Variants in KDM2B observed in about 807,000 individuals in gnomAD.
KDM2B encodes the protein lysine-specific demethylase 2B.
In KDM2B, 26 loss-of-function variants were observed where a neutral mutation model predicts 150.0. The ratio of observed to expected loss-of-function variants is 0.17; its 90% CI spans 0.13 to 0.24. The LOEUF (loss-of-function observed/expected upper bound fraction) is 0.24, where lower values mean the gene tolerates loss of function less well. KDM2B is among the 10% of genes least tolerant of loss of function. KDM2B has a pLI of 1.00. For synonymous variants in KDM2B, 734 were observed against 729.5 expected (o/e 1.01, Z -0.10); for missense variants, 1,265 against 1,816.9 (o/e 0.70, Z 5.52).
At position 121,549,310 on chromosome 12, in the gene KDM2B, G is replaced by A. The variant is rs1260567346; in HGVS notation, c.576+150C>T. 2.7e-5 allele frequency: 18 copies of A among 675,420 alleles called. No homozygotes were observed. Among genetic ancestry groups the A allele is most frequent in the Admixed American group, 5.9e-5 (2 of 33,618 alleles). 41.8% of individuals were successfully genotyped at this position (675,420 alleles called of 1,614,324 possible). A position where few individuals can be genotyped will look rare whatever the true frequency, so the allele number is the denominator to read the frequency against. On this transcript the variant is annotated intron_variant, in intron 5 of 22. Transcript: ENST00000377071. This position sits in a 1 kb window ranked among gnomAD's most constrained non-coding sequence, Gnocchi z 4.4. Reference sequence around the variant, plus strand: ...CAAGATCCCTGTCTCTACAAACCACGTTACCAACCTTAGTCACCCCTATGC... The same window carrying A: ...CAAGATCCCTGTCTCTACAAACCACATTACCAACCTTAGTCACCCCTATGC...
At chr12:121,428,345 A>G (rs1275292272), downstream of KDM2B, among the ~76,000 whole-genome samples, 1 of 152,058 alleles carries the variant, frequency 6.6e-6, no homozygotes, top group East Asian at 1.9e-4. Context: ...GGCATGCACC[A>G]CCACTCCTGG....
chr12:121,535,439 G>A (rs1888013793), intron 6 of KDM2B, among the ~76,000 whole-genome samples: 1 of 152,146 alleles, frequency 6.6e-6, no homozygotes, highest in Non-Finnish European at 1.5e-5. Flanking sequence ...GACTGCTAAT[G>A]GGTACAGGGT....
intron 12 of KDM2B, among the ~76,000 whole-genome samples, chr12:121,475,737 A>T (rs932653435): frequency 3.4e-5 from 5 of 148,666 alleles, no homozygotes; most frequent in Admixed American, 6.6e-5. Context: ...ATAAAAAAAA[A>T]TTTTTTTTAG....
At chr12:121,555,533 C>T (rs1336154483) in intron 4 of KDM2B, among the ~76,000 whole-genome samples, 4 of 152,156 alleles carry the variant, frequency 2.6e-5, no homozygotes, top group African/African-American at 9.6e-5. Context: ...CCACCATACC[C>T]GGCTAATATT....
chr12:121,557,670 A>G (rs1468444274), intron 4 of KDM2B, among the ~76,000 whole-genome samples: 3 of 152,144 alleles, frequency 2.0e-5, no homozygotes, highest in Non-Finnish European at 2.9e-5. Flanking sequence ...GAAGCCAGAG[A>G]AGGCAAGGAA....
intron 12 of KDM2B, among the ~76,000 whole-genome samples, chr12:121,483,849 G>A (rs530994115): frequency 1.3e-5 from 2 of 152,198 alleles, no homozygotes; most frequent in East Asian, 3.9e-4. Flanking sequence ...TCACACTGAG[G>A]CATAATGGAG....
At chr12:121,579,527 AGGTGGGGGGAG>A in intron 1 of KDM2B, 1 of 852,266 alleles carries the variant, frequency 1.2e-6, no homozygotes, top group Non-Finnish European at 1.7e-6. Flanking sequence ...CAAGAAGAGG[AGGTGGGGGGAG>A]GAGAATCGGG....
chr12:121,487,874 C>G (rs1882943644), intron 12 of KDM2B, among the ~76,000 whole-genome samples: 1 of 151,896 alleles, frequency 6.6e-6, no homozygotes, highest in Middle Eastern at 3.4e-3. Context: ...CTCCGCCTCC[C>G]AGGTTCAAGT....
At chr12:121,516,285 A>G (rs548114327) in intron 9 of KDM2B, 29 of 326,240 alleles carry the variant, frequency 8.9e-5, no homozygotes, top group South Asian at 7.1e-4. Flanking sequence ...ATTAGGGGAA[A>G]AAAATTGAGG....
At position 121,442,144 on chromosome 12, in the gene KDM2B, G is replaced by A. The variant is rs1875221184; in HGVS notation, c.3284+13C>T. ...GAGCCTTAACCTAGAGCCCTACACA[G>A]GCCGCCGCTCACCAGCGGTTCCAGG... is the stretch of plus-strand genomic sequence containing the variant. On this transcript the variant is annotated intron_variant, in intron 19 of 22. Coordinates refer to ENST00000377071, the MANE Select transcript of KDM2B (RefSeq NM_032590.5). The surrounding 1 kb of genome is among the most constrained non-coding windows in gnomAD (Gnocchi z 7.7). The A allele has an allele frequency of 6.2e-7, 1 of 1,612,244 alleles. No individual in the cohort carries two copies. Among genetic ancestry groups the A allele is most frequent in the Non-Finnish European group, 8.5e-7 (1 of 1,179,022 alleles).
the KDM2B span, among the ~76,000 whole-genome samples, chr12:121,421,997 T>A: frequency 6.6e-6 from 1 of 152,230 alleles, no homozygotes; most frequent in African/African-American, 2.4e-5. Context: ...GATGCAGGAA[T>A]CTTCATCCTC....
At chr12:121,480,583 CAAAAAAA>C (rs35490517) in intron 12 of KDM2B, among the ~76,000 whole-genome samples, 14 of 63,252 alleles carry the variant, frequency 2.2e-4, no homozygotes, top group Admixed American at 7.1e-4. Flanking sequence ...CTGTCGCTAC[CAAAAAAA>C]AAAAAAAAAA....
In KDM2B at chr12:121,488,777, A is replaced by G. The variant is rs985844344; in HGVS notation, c.1734+5802T>C. ...GCTGGGATTACAGGTGCCCACCACC[A>G]GGCCTGGCTAATTTTTTTTGGTTTT... On this transcript the variant is annotated intron_variant, in intron 12 of 22. Coordinates refer to ENST00000377071, the MANE Select transcript of KDM2B (RefSeq NM_032590.5). Among the ~76,000 whole-genome samples the G allele has an allele frequency of 2.0e-5, 3 of 151,286 alleles. No homozygotes were observed. The East Asian group carries it at 5.8e-4, about 29-fold the overall frequency.
intron 12 of KDM2B, among the ~76,000 whole-genome samples, chr12:121,486,084 G>T (rs1882722436): frequency 6.8e-6 from 1 of 148,082 alleles, no homozygotes; most frequent in South Asian, 2.1e-4. Flanking sequence ...GCCTGAAATG[G>T]TAACTTTTAT....
chr12:121,529,073 A>G (rs1239939739), intron 8 of KDM2B, among the ~76,000 whole-genome samples: 1 of 152,226 alleles, frequency 6.6e-6, no homozygotes, highest in Non-Finnish European at 1.5e-5. Context: ...ATTAACATAG[A>G]TGCAAAAAAC....
intron 4 of KDM2B, among the ~76,000 whole-genome samples, chr12:121,565,832 G>T (rs1890664408): frequency 6.7e-6 from 1 of 150,336 alleles, no homozygotes; most frequent in Admixed American, 6.6e-5. Flanking sequence ...TCACCATGTT[G>T]GCCAGGCTGG....
chr12:121,519,985 C>T (rs1474437997), intron 9 of KDM2B, among the ~76,000 whole-genome samples: 3 of 152,156 alleles, frequency 2.0e-5, no homozygotes, highest in South Asian at 2.1e-4. Context: ...CTCCGCCTCC[C>T]GGGCTCAAAC....
the KDM2B span, among the ~76,000 whole-genome samples, chr12:121,408,504 G>T: frequency 6.6e-6 from 1 of 152,126 alleles, no homozygotes. Context: ...TTTAAGAGGG[G>T]AAAGATCAGT....
rs1875952428 is a variant in KDM2B, at chr12:121,445,272, C to T, written c.2103+3G>A. 6.2e-7 allele frequency: 1 copy of T among 1,613,386 alleles called. No individual in the cohort carries two copies. Among genetic ancestry groups the T allele is most frequent in the South Asian group, 1.1e-5 (1 of 90,982 alleles). On this transcript the variant is annotated splice_donor_region_variant and intron_variant, in intron 14 of 22. Coordinates refer to ENST00000377071, the MANE Select transcript of KDM2B (RefSeq NM_032590.5). ...CACCACCTGTCCCCACTGGGCCACT[C>T]ACCTTAAGGCATCCAGGGTGGATGA...
Sources: gnomAD v4.1 joint callset for allele counts (sites outside exome capture counted in the v4.1 genomes callset) on GRCh38, gnomAD v4.1.1 for gene constraint, Gnocchi (gnomAD v3.1) non-coding constraint, MANE v1.5 for transcripts, NCBI Gene and HGNC (gene_info 2026-07-23, HGNC 2026-07-21) for gene names.